The following NYAP2 variants were observed in gnomAD, a reference collection of about 807,000 sequenced individuals.
The protein encoded by NYAP2 is neuronal tyrosine-phosphorylated phosphoinositide-3-kinase adaptor 2.
NYAP2 carries 23 observed loss-of-function variants against 50.4 expected under a neutral mutation model. The observed-to-expected ratio is 0.46, with a 90% CI of 0.33 to 0.65. The LOEUF is 0.65. NYAP2 is among the 30% of genes least tolerant of loss of function. NYAP2 has a pLI of 0.02. For synonymous variants in NYAP2, 394 were observed against 365.2 expected, an observed-to-expected ratio of 1.08 and a Z score of -0.90; for missense variants, 885 against 861.0, an observed-to-expected ratio of 1.03 and a Z score of -0.35.
At chr2:225,619,543 T>C (rs1416376174) in intron 5 of NYAP2, among the ~76,000 whole-genome samples, 1 of 152,158 alleles carries the variant, frequency 6.6e-6, no homozygotes, top group Non-Finnish European at 1.5e-5. Context: ...CACTAATGTA[T>C]GGGGTCAGAC....
At chr2:225,578,199 C>A (rs1395148797) in intron 4 of NYAP2, among the ~76,000 whole-genome samples, 1 of 152,096 alleles carries the variant, frequency 6.6e-6, no homozygotes, top group Non-Finnish European at 1.5e-5. Flanking sequence ...TCCCAAGGTG[C>A]TAGGATTACA....
chr2:225,459,490 A>T (rs1689790012), intron 3 of NYAP2, among the ~76,000 whole-genome samples: 1 of 152,210 alleles, frequency 6.6e-6, no homozygotes, highest in Non-Finnish European at 1.5e-5. Context: ...CTATGTCTGC[A>T]GACTAACTTA....
At chr2:225,568,937 A>G (rs1574683163) in intron 4 of NYAP2, among the ~76,000 whole-genome samples, 1 of 152,226 alleles carries the variant, frequency 6.6e-6, no homozygotes, top group East Asian at 1.9e-4. Flanking sequence ...GGGAGATAAG[A>G]GAAAAGGCAA....
intron 5 of NYAP2, among the ~76,000 whole-genome samples, chr2:225,626,399 G>A (rs1233503646): frequency 6.6e-6 from 1 of 152,156 alleles, no homozygotes; most frequent in African/African-American, 2.4e-5. Context: ...CAAAGGAAAG[G>A]TGTTAGATAC....
the NYAP2 span, chr2:225,698,565 G>A: frequency 1.3e-5 from 2 of 152,350 alleles, no homozygotes; most frequent in Admixed American, 6.6e-5. Flanking sequence ...GATGGTGTGA[G>A]CTCTACATTT....
chr2:225,420,500 G>T (rs1250279871), intron 3 of NYAP2, among the ~76,000 whole-genome samples: 2 of 152,116 alleles, frequency 1.3e-5, no homozygotes, highest in Non-Finnish European at 1.5e-5. Context: ...CTACTGACAG[G>T]TTGAAGCTTC....
intron 3 of NYAP2, among the ~76,000 whole-genome samples, chr2:225,480,447 C>G (rs2106164704): frequency 6.6e-6 from 1 of 152,066 alleles, no homozygotes; most frequent in Non-Finnish European, 1.5e-5. Flanking sequence ...TATTTCTTAA[C>G]TAAAAGGGCA....
At chr2:225,656,319 C>T (rs781374362), downstream of NYAP2, among the ~76,000 whole-genome samples, 1 of 152,174 alleles carries the variant, frequency 6.6e-6, no homozygotes, top group Non-Finnish European at 1.5e-5. Context: ...ACTTGCCCAG[C>T]CCAGTCCCTT....
intron 4 of NYAP2, among the ~76,000 whole-genome samples, chr2:225,514,812 GC>G (rs1690898455): frequency 6.6e-6 from 1 of 152,128 alleles, no homozygotes; most frequent in Non-Finnish European, 1.5e-5. Context: ...CTTCTCTTCT[GC>G]CCCACTCTCC....
At chr2:225,640,607 C>T (rs994216276) in intron 6 of NYAP2, among the ~76,000 whole-genome samples, 1 of 151,236 alleles carries the variant, frequency 6.6e-6, no homozygotes, top group Non-Finnish European at 1.5e-5. Context: ...ATTTTTTTTT[C>T]TAGGAAGGTG....
At position 225,528,918 on chromosome 2, in the gene NYAP2, T is replaced by C. The variant is rs536167823; in HGVS notation, c.523+15246T>C. On this transcript the variant is annotated intron_variant, in intron 4 of 6. Transcript: ENST00000636099. ...GCATCAATTTCCAGTAATGGGTGAA[T>C]AGACATCAAAAAGCATGTCTGCAGA... Among the ~76,000 whole-genome samples the C allele has an allele frequency of 3.3e-5, 5 of 152,324 alleles. No individual in the cohort carries two copies. The South Asian group carries it at 6.2e-4, about 19-fold the overall frequency.
intron 4 of NYAP2, among the ~76,000 whole-genome samples, chr2:225,528,907 T>C (rs1227403070): frequency 1.3e-5 from 2 of 152,192 alleles, no homozygotes; most frequent in African/African-American, 2.4e-5. Context: ...CAATTTCCAG[T>C]AATGGGTGAA....
chr2:225,424,511 G>T (rs1041563312), intron 3 of NYAP2, among the ~76,000 whole-genome samples: 2 of 151,710 alleles, frequency 1.3e-5, no homozygotes, highest in Non-Finnish European at 2.9e-5. Flanking sequence ...CCAGAGTTAT[G>T]ATCTAGTATT....
intron 3 of NYAP2, among the ~76,000 whole-genome samples, chr2:225,488,581 C>T (rs777934129): frequency 1.9e-4 from 29 of 152,280 alleles, no homozygotes; most frequent in Non-Finnish European, 3.8e-4. Context: ...GCCATGTTTG[C>T]CAGGCTGGTC....
chr2:225,584,434 C>A (rs529976844), intron 5 of NYAP2, among the ~76,000 whole-genome samples: 1 of 152,186 alleles, frequency 6.6e-6, no homozygotes, highest in Non-Finnish European at 1.5e-5. Flanking sequence ...CAAAACAGAC[C>A]CAGATTAGTT....
At chr2:225,671,030 A>T in the NYAP2 span, among the ~76,000 whole-genome samples, 1 of 152,114 alleles carries the variant, frequency 6.6e-6, no homozygotes, top group Non-Finnish European at 1.5e-5. Flanking sequence ...CTCAGTGTTG[A>T]TGGCTGCTGA....
chr2:225,466,633 G>A (rs942403069), intron 3 of NYAP2, among the ~76,000 whole-genome samples: 3 of 152,118 alleles, frequency 2.0e-5, no homozygotes, highest in Non-Finnish European at 4.4e-5. Context: ...CATGCAAAAG[G>A]AGAGAACCAC....
intron 4 of NYAP2, among the ~76,000 whole-genome samples, chr2:225,556,910 A>G (rs1156893723): frequency 6.6e-6 from 1 of 152,202 alleles, no homozygotes; most frequent in South Asian, 2.1e-4. Context: ...GCATGTCAAT[A>G]TCTTTGGCTG....
intron 3 of NYAP2, among the ~76,000 whole-genome samples, chr2:225,484,093 A>G (rs1162201160): frequency 6.6e-6 from 1 of 152,230 alleles, no homozygotes; most frequent in Non-Finnish European, 1.5e-5. Context: ...CTAACTGTTT[A>G]GAGAAATCAG....
Sources: allele counts gnomAD v4.1 joint callset (sites outside exome capture counted in the v4.1 genomes callset), GRCh38; gene constraint gnomAD v4.1.1; transcripts MANE v1.5; gene names NCBI Gene and HGNC (gene_info 2026-07-23, HGNC 2026-07-21).